Variants in COL9A1 observed in about 807,000 individuals in gnomAD.
The protein encoded by COL9A1 is collagen type IX alpha 1 chain.
COL9A1 carries 104 observed loss-of-function variants against 142.6 expected under a neutral mutation model. That is an observed-to-expected ratio of 0.73 (90% CI 0.62 to 0.86). COL9A1 has a LOEUF of 0.86. Ranked by LOEUF, COL9A1 falls within the 40% of genes least tolerant of loss-of-function variation. The pLI is 0.00. For missense variants in COL9A1, 1,210 were observed against 1,176.6 expected (o/e 1.03, Z -0.42); for synonymous variants, 466 against 396.0 (o/e 1.18, Z -2.10).
intron 26 of COL9A1, among the ~76,000 whole-genome samples, chr6:70,252,885 T>C (rs1304347342): frequency 6.6e-6 from 1 of 152,172 alleles, no homozygotes; most frequent in Non-Finnish European, 1.5e-5. Flanking sequence ...AATCTCTATG[T>C]TATTCACCTT....
chr6:70,261,262 C>T (rs968420994), intron 19 of COL9A1, among the ~76,000 whole-genome samples: 4 of 152,032 alleles, frequency 2.6e-5, no homozygotes, highest in East Asian at 3.8e-4. Context: ...AATTCCAACT[C>T]GGGGCAATAG....
intron 35 of COL9A1, 133 bp downstream of exon 35, chr6:70,234,406 A>T: frequency 1.1e-6 from 1 of 877,360 alleles, no homozygotes; most frequent in African/African-American, 1.7e-5. Flanking sequence ...ATTGGCATTA[A>T]TATTACCCTA....
intron 28 of COL9A1, among the ~76,000 whole-genome samples, chr6:70,244,030 T>A (rs1320378346): frequency 6.6e-6 from 1 of 152,226 alleles, no homozygotes; most frequent in Non-Finnish European, 1.5e-5. Context: ...TGCTATTTAT[T>A]CCTATTTAAG....
At chr6:70,283,048 G>A (rs749025169) in intron 6 of COL9A1, 130 bp from the exon 7 acceptor site, 2 of 1,568,968 alleles carry the variant, frequency 1.3e-6, no homozygotes, top group South Asian at 2.3e-5. Context: ...CGCAGTCCAG[G>A]CCATGCCCGC....
chr6:70,269,545 T>A, intron 16 of COL9A1, 88 bp downstream of exon 16: 2 of 923,208 alleles, frequency 2.2e-6, no homozygotes, highest in Non-Finnish European at 3.6e-6. Flanking sequence ...CATAGAATAT[T>A]CCAGGGAAAT....
Position 70,250,150 on chromosome 6 carries a change from A to G in COL9A1, c.1872+1970T>C, listed in dbSNP as rs374179241. On this transcript the variant is annotated intron_variant, in intron 28 of 37. Transcript: ENST00000357250. ...GTGGTGTGCACCTGTAGTTCCAGCT[A>G]TTCTGGAGGCTAAGGTGGGAGGATC... Among the ~76,000 whole-genome samples the G allele has an allele frequency of 3.3e-5, 5 of 152,214 alleles. No homozygotes were observed. The East Asian group carries it at 9.7e-4, about 29-fold the overall frequency.
chr6:70,244,224 T>G (rs973810388), intron 28 of COL9A1, among the ~76,000 whole-genome samples: 5 of 152,238 alleles, frequency 3.3e-5, no homozygotes, highest in African/African-American at 1.2e-4. Flanking sequence ...CAACTTTATA[T>G]AAACAACCTG....
In COL9A1 at chr6:70,272,325, CT is replaced by C. The variant is rs34456949; in HGVS notation, c.1066-238del. On this transcript the variant is annotated intron_variant, in intron 12 of 37. Transcript: ENST00000357250. The stretch of plus-strand genomic sequence containing the variant: ...CTATGCTAACTGGGATTTTTCCAAA[CT>C]TTTTTTTTTTAAGGAAATCAAAGTA... Among the ~76,000 whole-genome samples, 57,341 of 148,926 alleles carry C rather than the reference CT, an allele frequency of 0.39. 11,165 individuals are homozygous for C. The highest frequency in any genetic ancestry group is 0.44 in the African/African-American group (18,024 of 40,694).
chr6:70,302,273 G>C lies in COL9A1; in HGVS notation c.15-199C>G, dbSNP rs9446221. Among the ~76,000 whole-genome samples, 16,830 of 141,688 alleles carry C rather than the reference G, an allele frequency of 0.12. 1,180 individuals are homozygous for C. Among genetic ancestry groups the C allele is most frequent in the East Asian group, 0.26 (1,201 of 4,644 alleles). 93.0% of individuals were successfully genotyped at this position (141,688 alleles called of 152,430 possible). A position where few individuals can be genotyped will look rare whatever the true frequency, so the allele number is the denominator to read the frequency against. ...CACCCAGGCTGGAGTGCAATGGCGC[G>C]ATCTCGGCTCTTTGCAACCTCCACC... On this transcript the variant is annotated intron_variant, in intron 1 of 37. Transcript: ENST00000357250.
intron 18 of COL9A1, among the ~76,000 whole-genome samples, chr6:70,263,854 CT>C (rs1771851570): frequency 6.6e-6 from 1 of 151,832 alleles, no homozygotes; most frequent in East Asian, 1.9e-4. Flanking sequence ...ATAGAAAAGC[CT>C]TTTCCACTCT....
chr6:70,284,818 A>T (rs1373191722), intron 5 of COL9A1, among the ~76,000 whole-genome samples: 1 of 152,202 alleles, frequency 6.6e-6, no homozygotes, highest in Non-Finnish European at 1.5e-5. Flanking sequence ...AGATCTAAGC[A>T]TTACTTCTTT....
At chr6:70,233,841 A>C (rs1769711710) in intron 35 of COL9A1, among the ~76,000 whole-genome samples, 1 of 152,214 alleles carries the variant, frequency 6.6e-6, no homozygotes, top group Admixed American at 6.5e-5. Flanking sequence ...TTCATGACAA[A>C]GTTAGCTACA....
intron 10 of COL9A1, among the ~76,000 whole-genome samples, chr6:70,275,615 C>T (rs1772708288): frequency 6.6e-6 from 1 of 152,036 alleles, no homozygotes; most frequent in African/African-American, 2.4e-5. Flanking sequence ...ATGATAATAT[C>T]ACATATATAC....
At chr6:70,234,710 G>T in intron 34 of COL9A1, 84 bp downstream of exon 34, 1 of 1,605,852 alleles carries the variant, frequency 6.2e-7, no homozygotes, top group Non-Finnish European at 8.5e-7. Context: ...AAGAGAACTT[G>T]TTGAGAAGCT....
At chr6:70,274,793 T>C (rs367626811) in intron 10 of COL9A1, 21 bp from the exon 11 acceptor site, 1 of 1,603,102 alleles carries the variant, frequency 6.2e-7, no homozygotes, top group Non-Finnish European at 8.5e-7. Flanking sequence ...AAGACAATGA[T>C]GTTAGAACTA....
At chr6:70,279,824 T>C (rs1773021389) in intron 10 of COL9A1, 1 of 491,498 alleles carries the variant, frequency 2.0e-6, no homozygotes. Flanking sequence ...TAAACTGTAG[T>C]CAAAAATTCT....
At chr6:70,283,576 C>T (rs6904342) in intron 6 of COL9A1, among the ~76,000 whole-genome samples, 161 bp downstream of exon 6, 305 of 152,298 alleles carry the variant, frequency 2.0e-3, no homozygotes, top group African/African-American at 7.0e-3. Context: ...ATGAAGTGTA[C>T]TTCCCTAATA....
At chr6:70,280,702 G>C in intron 10 of COL9A1, 110 bp downstream of exon 10, 1 of 1,409,636 alleles carries the variant, frequency 7.1e-7, no homozygotes, top group Non-Finnish European at 9.8e-7. Flanking sequence ...GAGCCACAGC[G>C]CGTTCTCTCT....
chr6:70,229,905 T>C (rs914324281), intron 36 of COL9A1, among the ~76,000 whole-genome samples: 1 of 152,220 alleles, frequency 6.6e-6, no homozygotes, highest in African/African-American at 2.4e-5. Flanking sequence ...ACTGTGTTCT[T>C]CAGAGTATTT....
Sources: gnomAD v4.1 joint callset for allele counts (sites outside exome capture counted in the v4.1 genomes callset) on GRCh38, gnomAD v4.1.1 for gene constraint, MANE v1.5 for transcripts, NCBI Gene and HGNC (gene_info 2026-07-23, HGNC 2026-07-21) for gene names.